Variants in GIT2 observed in about 807,000 individuals in gnomAD.
GIT2 encodes the protein ARF GTPase-activating protein GIT2.
In GIT2, 32 loss-of-function variants were observed where a neutral mutation model predicts 100.3. That is an observed-to-expected ratio of 0.32 (90% CI 0.24 to 0.43). The LOEUF (loss-of-function observed/expected upper bound fraction) is 0.43, where lower values mean the gene tolerates loss of function less well. Ranked by LOEUF, GIT2 falls within the 20% of genes least tolerant of loss-of-function variation. The probability of loss-of-function intolerance (pLI) is 1.00; values close to 1 mark genes in which losing one functional copy is unlikely to be tolerated. For missense variants in GIT2, 737 were observed against 975.1 expected (o/e 0.76, Z 3.25); for synonymous variants, 353 against 364.1 (o/e 0.97, Z 0.35).
At position 109,983,359 on chromosome 12, in the gene GIT2, T is replaced by G. The variant is rs752848748; in HGVS notation, c.623+14A>C. ...AAATCCCAGAGAGAAGTAGCGAGAATCTAGGTCTCTTACCTTGCATAATCA... is the reference window on the plus strand; with the variant it reads ...AAATCCCAGAGAGAAGTAGCGAGAAGCTAGGTCTCTTACCTTGCATAATCA... On this transcript the variant is annotated intron_variant, in intron 6 of 19. Transcript: ENST00000355312. The G allele has an allele frequency of 3.1e-6, 5 of 1,609,750 alleles. No homozygotes were observed. In the South Asian group the frequency reaches 5.6e-5, roughly 18 times the overall value.
intron 4 of GIT2, 105 bp downstream of exon 4, chr12:109,988,858 A>AG: frequency 1.8e-6 from 1 of 563,782 alleles, no homozygotes; most frequent in East Asian, 3.3e-5. Flanking sequence ...CAAAAAAAAA[A>AG]AAAAAAAAAA....
At chr12:109,946,324 C>T (rs1011581021) in intron 15 of GIT2, among the ~76,000 whole-genome samples, 3 of 152,032 alleles carry the variant, frequency 2.0e-5, no homozygotes, top group South Asian at 2.1e-4. Flanking sequence ...GTTTAATTCA[C>T]GAAACCATGT....
At chr12:109,968,114 T>C (rs910471398) in intron 7 of GIT2, among the ~76,000 whole-genome samples, 1 of 152,248 alleles carries the variant, frequency 6.6e-6, no homozygotes, top group Non-Finnish European at 1.5e-5. Context: ...CTGGGTTATA[T>C]GGTAAATGTA....
chr12:109,997,208 A>T (rs1220875710), upstream of GIT2, among the ~76,000 whole-genome samples: 1 of 148,958 alleles, frequency 6.7e-6, no homozygotes, highest in East Asian at 2.0e-4. Context: ...CCGTCTCAAA[A>T]AAAAAAAAAA....
At chr12:109,963,068 A>G (rs1434435631) in intron 9 of GIT2, among the ~76,000 whole-genome samples, 3 of 152,238 alleles carry the variant, frequency 2.0e-5, no homozygotes, top group Non-Finnish European at 4.4e-5. Flanking sequence ...TAAAATGGGT[A>G]CCATATATTA....
chr12:109,932,898 A>G lies in GIT2; in HGVS notation c.*80T>C. The stretch of plus-strand genomic sequence containing the variant: ...GTCATTAAATGTTTCTTTTTGTAGA[A>G]ATCTGAAGAGTTCTGCGTCTGAATT... On this transcript the variant is annotated 3_prime_UTR_variant, in exon 20 of 20. Coordinates refer to ENST00000355312, the MANE Select transcript of GIT2 (RefSeq NM_057169.5). 1.3e-6 allele frequency: 1 copy of G among 799,408 alleles called. No individual in the cohort carries two copies. Among genetic ancestry groups the G allele is most frequent in the Non-Finnish European group, 2.2e-6 (1 of 459,632 alleles). 49.5% of individuals were successfully genotyped at this position (799,408 alleles called of 1,614,324 possible). A position where few individuals can be genotyped will look rare whatever the true frequency, so the allele number is the denominator to read the frequency against.
Position 109,960,091 on chromosome 12 carries a change from C to T in GIT2, c.988-133G>A, listed in dbSNP as rs184265559. 46 of 657,588 alleles carry T rather than the reference C, an allele frequency of 7.0e-5. 1 individual carries two copies. The Admixed American group carries it at 8.4e-4, about 12-fold the overall frequency. The allele number at this position is 657,588 out of a possible 1,614,324, so 40.7% of individuals were successfully genotyped here. The stretch of plus-strand genomic sequence containing the variant: ...CTGGCATGATCAAAGTACAATTAAT[C>T]CCAGCCATAATCAAACCAAGTTAAT... On this transcript the variant is annotated intron_variant, in intron 11 of 19. Transcript: ENST00000355312.
intron 11 of GIT2, 67 bp from the exon 12 acceptor site, chr12:109,960,025 A>T: frequency 2.0e-6 from 2 of 1,010,112 alleles, no homozygotes; most frequent in Non-Finnish European, 1.5e-6. Context: ...AGTCACATAA[A>T]ACTAGTCAGA....
At chr12:109,942,115 A>G (rs1388550085) in intron 16 of GIT2, among the ~76,000 whole-genome samples, 2 of 152,156 alleles carry the variant, frequency 1.3e-5, no homozygotes, top group Non-Finnish European at 2.9e-5. Flanking sequence ...GTTAGCCACC[A>G]CACCTGGCCC....
intron 7 of GIT2, among the ~76,000 whole-genome samples, chr12:109,972,626 G>A (rs1202077579): frequency 1.3e-5 from 2 of 151,862 alleles, no homozygotes; most frequent in Non-Finnish European, 2.9e-5. Flanking sequence ...ACCATGCCCA[G>A]TTAATTTTGT....
intron 9 of GIT2, among the ~76,000 whole-genome samples, chr12:109,963,380 G>A (rs1468896181): frequency 2.0e-5 from 3 of 152,194 alleles, no homozygotes; most frequent in Non-Finnish European, 2.9e-5. Flanking sequence ...ACAAGCTAAT[G>A]TTATTATTAC....
intron 11 of GIT2, among the ~76,000 whole-genome samples, 183 bp from the exon 12 acceptor site, chr12:109,960,141 A>T (rs1050332563): frequency 1.1e-4 from 17 of 152,252 alleles, no homozygotes; most frequent in African/African-American, 4.1e-4. Context: ...TGAACAGTTT[A>T]AAACCATTTA....
In GIT2 at chr12:109,962,150, C is replaced by T. The variant is rs577321712; in HGVS notation, c.817-465G>A. ...GGTGGATTGCTTAAGCCCAGGAGTT[C>T]GAGACCAGCCTGGGCAACATGGTGA... On this transcript the variant is annotated intron_variant, in intron 9 of 19. Transcript: ENST00000355312. This position sits in a 1 kb window ranked among gnomAD's most constrained non-coding sequence, Gnocchi z 4.3. Among the ~76,000 whole-genome samples, 7 of 152,198 alleles carry T rather than the reference C, an allele frequency of 4.6e-5. No homozygotes were observed. In the South Asian group the frequency reaches 1.4e-3, roughly 32 times the overall value.
chr12:109,939,070 G>C, intron 17 of GIT2, 95 bp downstream of exon 17: 1 of 735,104 alleles, frequency 1.4e-6, no homozygotes, highest in Non-Finnish European at 2.5e-6. Flanking sequence ...TAGAGAAAAG[G>C]GGTGTGTGTG....
Position 109,930,160 on chromosome 12 carries a change from C to T in GIT2, c.*2818G>A, listed in dbSNP as rs1459454065. On this transcript the variant is annotated 3_prime_UTR_variant, in exon 20 of 20. Coordinates refer to ENST00000355312, the MANE Select transcript of GIT2 (RefSeq NM_057169.5). ...AGTTGTGCGTTTAGAATTCTGATTA[C>T]ATGAAATGCTGTGTTTGATCTTTGG... is the stretch of plus-strand genomic sequence containing the variant. 6.6e-6 allele frequency: 1 copy of T among 152,654 alleles called. No individual in the cohort carries two copies. The highest frequency in any genetic ancestry group is 1.5e-5 in the Non-Finnish European group (1 of 68,060). The allele number at this position is 152,654 out of a possible 1,614,324, so 9.5% of individuals were successfully genotyped here. A position where few individuals can be genotyped will look rare whatever the true frequency, so the allele number is the denominator to read the frequency against.
intron 12 of GIT2, chr12:109,953,457 C>T (rs185086102): frequency 1.3e-4 from 63 of 473,558 alleles, no homozygotes; most frequent in Non-Finnish European, 1.7e-4. Context: ...CATCCCTACA[C>T]AATAATTTAA....
intron 7 of GIT2, among the ~76,000 whole-genome samples, 182 bp from the exon 8 acceptor site, chr12:109,967,685 G>C (rs1882847970): frequency 6.6e-6 from 1 of 152,152 alleles, no homozygotes; most frequent in Non-Finnish European, 1.5e-5. Flanking sequence ...TCATAGCCTT[G>C]TTTTTTTCTG....
Position 109,934,175 on chromosome 12 carries a change from T to G in GIT2, c.2004-90A>C. The G allele has an allele frequency of 1.3e-6, 1 of 779,186 alleles. No individual in the cohort carries two copies. The highest frequency in any genetic ancestry group is 2.3e-6 in the Non-Finnish European group (1 of 428,700). 48.3% of individuals were successfully genotyped at this position (779,186 alleles called of 1,614,324 possible). ...AGTGCTAGAACAGATTCTGTTTACA[T>G]TCCCTTCATGAAGGGGCTAGGGCTG... On this transcript the variant is annotated intron_variant, in intron 18 of 19. Transcript: ENST00000355312. The surrounding 1 kb of genome is among the most constrained non-coding windows in gnomAD (Gnocchi z 4.5).
intron 12 of GIT2, among the ~76,000 whole-genome samples, chr12:109,956,617 G>A (rs1162610480): frequency 6.6e-6 from 1 of 152,128 alleles, no homozygotes; most frequent in African/African-American, 2.4e-5. Context: ...TGCACATGAG[G>A]ATCAATTGTG....
Sources: gnomAD v4.1 joint callset for allele counts (sites outside exome capture counted in the v4.1 genomes callset) on GRCh38, gnomAD v4.1.1 for gene constraint, Gnocchi (gnomAD v3.1) non-coding constraint, MANE v1.5 for transcripts, NCBI Gene and HGNC (gene_info 2026-07-23, HGNC 2026-07-21) for gene names.